Variants in TRABD2B observed in about 807,000 individuals in gnomAD.
TRABD2B encodes TraB domain containing 2B.
In TRABD2B, 14 loss-of-function variants were observed where a neutral mutation model predicts 40.1. The ratio of observed to expected loss-of-function variants is 0.35; its 90% CI spans 0.23 to 0.55. The LOEUF (loss-of-function observed/expected upper bound fraction) is 0.55, where lower values mean the gene tolerates loss of function less well. Among genes scored for constraint, TRABD2B ranks in the 20% least tolerant of loss-of-function variants. The probability of loss-of-function intolerance (pLI) is 0.90; values close to 1 mark genes in which losing one functional copy is unlikely to be tolerated. For missense variants in TRABD2B, 541 were observed against 648.6 expected (o/e 0.83, Z 1.80); for synonymous variants, 263 against 277.0 (o/e 0.95, Z 0.50).
At chr1:47,820,441 G>A (rs997058377) in intron 2 of TRABD2B, among the ~76,000 whole-genome samples, 12 of 152,240 alleles carry the variant, frequency 7.9e-5, no homozygotes, top group African/African-American at 4.8e-5. Context: ...CACACAGCAC[G>A]AGAACACATG....
At chr1:47,861,983 C>T (rs1467550597) in intron 2 of TRABD2B, among the ~76,000 whole-genome samples, 2 of 152,124 alleles carry the variant, frequency 1.3e-5, no homozygotes, top group Admixed American at 1.3e-4. Flanking sequence ...TAACATAATT[C>T]ATCAAATCAG....
chr1:47,872,550 A>G (rs1328178809), intron 2 of TRABD2B, among the ~76,000 whole-genome samples: 3 of 152,100 alleles, frequency 2.0e-5, no homozygotes. Flanking sequence ...CCCCATGTGC[A>G]TGTGGGGAGG....
intron 2 of TRABD2B, among the ~76,000 whole-genome samples, chr1:47,886,610 T>C (rs917168433): frequency 3.9e-5 from 6 of 152,212 alleles, no homozygotes; most frequent in African/African-American, 2.4e-5. Context: ...CTGGAAGTCA[T>C]CCATGAGTCC....
chr1:47,846,508 C>A (rs1186357226), intron 2 of TRABD2B, among the ~76,000 whole-genome samples: 1 of 152,154 alleles, frequency 6.6e-6, no homozygotes, highest in Admixed American at 6.5e-5. Context: ...TCTTCATTTC[C>A]TCACCTGTGG....
chr1:47,964,429 G>A (rs901242252), intron 2 of TRABD2B, among the ~76,000 whole-genome samples: 13 of 152,098 alleles, frequency 8.5e-5, no homozygotes, highest in African/African-American at 2.4e-4. Flanking sequence ...TATAAACATC[G>A]TTTCCAAACT....
chr1:47,808,164 A>G (rs1644917224), intron 2 of TRABD2B, among the ~76,000 whole-genome samples: 1 of 152,198 alleles, frequency 6.6e-6, no homozygotes, highest in Non-Finnish European at 1.5e-5. Context: ...GACCCTGTCA[A>G]AGAACAAGGA....
At chr1:47,944,465 T>C (rs1228813128) in intron 2 of TRABD2B, among the ~76,000 whole-genome samples, 1 of 151,732 alleles carries the variant, frequency 6.6e-6, no homozygotes, top group Non-Finnish European at 1.5e-5. Flanking sequence ...TCACTGGGAG[T>C]AATGCTTACG....
chr1:47,995,501 CGTGT>C (rs10577035), intron 1 of TRABD2B, among the ~76,000 whole-genome samples: 89 of 149,936 alleles, frequency 5.9e-4, no homozygotes, highest in African/African-American at 1.8e-3. Context: ...AGTGTGTGTG[CGTGT>C]GTGTGTGTGT....
chr1:47,996,946 A>T lies in TRABD2B; in HGVS notation c.-157T>A. ...GGGCGTGGCTGACTGTCCCTGTCGG[A>T]CCTGGGGGTTTCTCTGGGGCCGGGC... is the stretch of plus-strand genomic sequence containing the variant. On this transcript the variant is annotated 5_prime_UTR_variant, in exon 1 of 7. Coordinates refer to ENST00000606738, the MANE Select transcript of TRABD2B (RefSeq NM_001194986.2). The surrounding 1 kb of genome is among the most constrained non-coding windows in gnomAD (Gnocchi z 4.6). 1.8e-6 allele frequency: 2 copies of T among 1,115,978 alleles called. No homozygotes were observed. Among genetic ancestry groups the T allele is most frequent in the Non-Finnish European group, 2.2e-6 (2 of 915,066 alleles). 69.1% of individuals were successfully genotyped at this position (1,115,978 alleles called of 1,614,324 possible).
chr1:47,968,485 C>T (rs1255330314), intron 2 of TRABD2B, among the ~76,000 whole-genome samples: 1 of 152,184 alleles, frequency 6.6e-6, no homozygotes, highest in Non-Finnish European at 1.5e-5. Flanking sequence ...TATCAAACAA[C>T]GGTTACTCCA....
Position 47,997,220 on chromosome 1 carries a change from A to G in TRABD2B, c.-431T>C, listed in dbSNP as rs1350142836. The G allele has an allele frequency of 3.1e-6, 3 of 981,880 alleles. No individual in the cohort carries two copies. The highest frequency in any genetic ancestry group is 1.8e-5 in the African/African-American group (1 of 56,162). 60.8% of individuals were successfully genotyped at this position (981,880 alleles called of 1,614,324 possible). On this transcript the variant is annotated 5_prime_UTR_variant, in exon 1 of 7. Transcript: ENST00000606738. Reference sequence around the variant, plus strand: ...GGGTCCCAGGGGTGCGCGGCGCTCCAGGAGGCGCGCAGTGGGACAAGTGCG... The same window carrying G: ...GGGTCCCAGGGGTGCGCGGCGCTCCGGGAGGCGCGCAGTGGGACAAGTGCG...
intron 2 of TRABD2B, among the ~76,000 whole-genome samples, chr1:47,951,125 C>T (rs1398953045): frequency 6.6e-6 from 1 of 152,184 alleles, no homozygotes; most frequent in Non-Finnish European, 1.5e-5. Flanking sequence ...AGACTTCAGG[C>T]GTCGACTCTC....
At chr1:47,987,453 A>G (rs1645935496) in intron 2 of TRABD2B, among the ~76,000 whole-genome samples, 1 of 152,160 alleles carries the variant, frequency 6.6e-6, no homozygotes, top group Non-Finnish European at 1.5e-5. Context: ...CTCTGAGCCT[A>G]GAAGTCTTCT....
At chr1:47,942,457 G>A (rs958409995) in intron 2 of TRABD2B, among the ~76,000 whole-genome samples, 1 of 152,070 alleles carries the variant, frequency 6.6e-6, no homozygotes, top group Non-Finnish European at 1.5e-5. Flanking sequence ...CAATCAGCAA[G>A]CACTACTCCA....
intron 3 of TRABD2B, chr1:47,795,622 T>C (rs1644737922): frequency 2.0e-6 from 2 of 981,586 alleles, no homozygotes; most frequent in East Asian, 1.1e-4. Context: ...ACTGATGATA[T>C]TGTGGGGATT....
At chr1:47,795,759 C>T (rs918342205) in intron 3 of TRABD2B, 11 of 945,884 alleles carry the variant, frequency 1.2e-5, no homozygotes, top group Non-Finnish European at 1.4e-5. Context: ...CACCAACTCC[C>T]CATCCCTGCA....
intron 2 of TRABD2B, among the ~76,000 whole-genome samples, chr1:47,977,068 CTTT>C (rs749710731): frequency 2.2e-5 from 3 of 136,620 alleles, no homozygotes; most frequent in Admixed American, 7.3e-5. Context: ...AGGTTTAGTC[CTTT>C]TTTTTTTTTT....
intron 2 of TRABD2B, among the ~76,000 whole-genome samples, chr1:47,811,317 G>A (rs1443828737): frequency 6.6e-6 from 1 of 152,108 alleles, no homozygotes; most frequent in East Asian, 1.9e-4. Flanking sequence ...CATGGACTTG[G>A]CCTCTAGTAC....
At chr1:47,767,448 A>T (rs1644320195) in intron 6 of TRABD2B, among the ~76,000 whole-genome samples, 1 of 152,190 alleles carries the variant, frequency 6.6e-6, no homozygotes, top group East Asian at 1.9e-4. Context: ...GAACGTACAG[A>T]GCCCTGCCCC....
Sources: gnomAD v4.1 joint callset for allele counts (sites outside exome capture counted in the v4.1 genomes callset) on GRCh38, gnomAD v4.1.1 for gene constraint, Gnocchi (gnomAD v3.1) non-coding constraint, MANE v1.5 for transcripts, NCBI Gene and HGNC (gene_info 2026-07-23, HGNC 2026-07-21) for gene names.